GRID2: variants seen among roughly 807,000 people sequenced by gnomAD.
GRID2 encodes the protein glutamate ionotropic receptor delta type subunit 2, also known as glutamate receptor ionotropic, delta-2.
A neutral mutation model predicts 114.8 loss-of-function variants in GRID2; 33 were observed. The ratio of observed to expected loss-of-function variants is 0.29; its 90% confidence interval spans 0.22 to 0.38. GRID2 has a LOEUF of 0.38. GRID2 is among the 10% of genes least tolerant of loss of function. The pLI, the probability that GRID2 is intolerant of heterozygous loss-of-function variation, is 1.00. For synonymous variants in GRID2, 505 were observed against 449.9 expected, an observed-to-expected ratio of 1.12 and a Z score of -1.55; for missense variants, 1,184 against 1,257.7, an observed-to-expected ratio of 0.94 and a Z score of 0.89.
intron 1 of GRID2, among the ~76,000 whole-genome samples, chr4:93,779,743 T>C (rs1017373577): frequency 4.0e-4 from 61 of 151,892 alleles, no homozygotes; most frequent in African/African-American, 1.2e-3. Context: ...TGTGGAAAGG[T>C]CAGAAGGATG....
chr4:92,463,093 CT>C (rs912214601), intron 1 of GRID2, among the ~76,000 whole-genome samples: 1 of 151,886 alleles, frequency 6.6e-6, no homozygotes, highest in African/African-American at 2.4e-5. Context: ...TCATTACATG[CT>C]TTTTGATGGC....
chr4:92,600,797 G>A (rs956262483), intron 2 of GRID2, among the ~76,000 whole-genome samples: 3 of 152,200 alleles, frequency 2.0e-5, no homozygotes, highest in African/African-American at 7.2e-5. Flanking sequence ...CCGACCTGAT[G>A]CTAGCAGGAA....
intron 2 of GRID2, among the ~76,000 whole-genome samples, chr4:93,047,683 A>G (rs1726281902): frequency 6.6e-6 from 1 of 152,060 alleles, no homozygotes; most frequent in African/African-American, 2.4e-5. Flanking sequence ...ATTTAACAAC[A>G]TTAGTCCAGT....
chr4:93,153,157 A>C (rs1005064592), intron 4 of GRID2, among the ~76,000 whole-genome samples: 1 of 152,166 alleles, frequency 6.6e-6, no homozygotes, highest in African/African-American at 2.4e-5. Flanking sequence ...AAATTAACAA[A>C]ATAAATACAA....
rs28461791 is a variant in GRID2, at chr4:92,661,732, G to A, written c.244+71446G>A. Among the ~76,000 whole-genome samples the A allele has an allele frequency of 1.1e-3, 163 of 150,910 alleles. 1 individual carries two copies. The highest frequency in any genetic ancestry group is 3.9e-3 in the African/African-American group (161 of 41,370). ...ATAATTTTTCTGTTGTCTTAATGAT[G>A]ATGTATATGTTTAATTTCTCAACTG... On this transcript the variant is annotated intron_variant, in intron 2 of 15. Coordinates refer to ENST00000282020, the MANE Select transcript of GRID2 (RefSeq NM_001510.4).
intron 2 of GRID2, among the ~76,000 whole-genome samples, chr4:93,001,674 G>A (rs1354418862): frequency 1.3e-5 from 2 of 151,776 alleles, no homozygotes; most frequent in South Asian, 2.1e-4. Context: ...TGATGGTCAT[G>A]GGTTAAAGGA....
intron 1 of GRID2, among the ~76,000 whole-genome samples, chr4:92,411,655 G>GTGTGTGTATATATATATATATATATA: frequency 2.0e-4 from 17 of 84,676 alleles, no homozygotes; most frequent in Non-Finnish European, 2.6e-4. Context: ...GTGTGTGTGT[G>GTGTGTGTATATATATATATATATATA]TATATATATA....
intron 6 of GRID2, among the ~76,000 whole-genome samples, chr4:93,222,978 TA>T (rs1745067268): frequency 6.6e-6 from 1 of 151,972 alleles, no homozygotes; most frequent in Admixed American, 6.6e-5. Context: ...AAGAGTAAAA[TA>T]AAGCTAGAAA....
intron 2 of GRID2, among the ~76,000 whole-genome samples, chr4:92,728,573 G>T (rs996786314): frequency 5.9e-5 from 9 of 151,948 alleles, no homozygotes; most frequent in African/African-American, 1.9e-4. Flanking sequence ...AGCACATGAA[G>T]ACAAAATCCA....
At chr4:92,701,250 T>A (rs1430672601) in intron 2 of GRID2, among the ~76,000 whole-genome samples, 1 of 152,156 alleles carries the variant, frequency 6.6e-6, no homozygotes, top group Non-Finnish European at 1.5e-5. Flanking sequence ...AAACCTAATA[T>A]TTTTTAGCCC....
At chr4:92,974,532 T>C (rs1029373848) in intron 2 of GRID2, among the ~76,000 whole-genome samples, 1 of 152,098 alleles carries the variant, frequency 6.6e-6, no homozygotes, top group Non-Finnish European at 1.5e-5. Flanking sequence ...TTAATGTCCA[T>C]TGCAGGGACA....
chr4:92,437,567 C>A (rs1052313735), intron 1 of GRID2, among the ~76,000 whole-genome samples: 2 of 152,226 alleles, frequency 1.3e-5, no homozygotes, highest in African/African-American at 4.8e-5. Flanking sequence ...CTGGGCCCAG[C>A]TGACTGCTTA....
chr4:93,074,084 C>T (rs916055204), intron 2 of GRID2, among the ~76,000 whole-genome samples: 2 of 152,200 alleles, frequency 1.3e-5, no homozygotes, highest in African/African-American at 4.8e-5. Context: ...TCTCTGGCAA[C>T]ACAGGCCCTA....
chr4:93,277,683 G>C (rs1237578542), intron 8 of GRID2, among the ~76,000 whole-genome samples: 2 of 151,744 alleles, frequency 1.3e-5, no homozygotes, highest in East Asian at 3.9e-4. Flanking sequence ...TATTTTCATT[G>C]CATGTATTTA....
At chr4:92,335,368 C>T (rs1727111008) in intron 1 of GRID2, among the ~76,000 whole-genome samples, 1 of 152,176 alleles carries the variant, frequency 6.6e-6, no homozygotes, top group Non-Finnish European at 1.5e-5. Context: ...GTATTCTTTT[C>T]TCACAGATTT....
intron 2 of GRID2, among the ~76,000 whole-genome samples, chr4:93,003,292 A>G (rs1721190817): frequency 6.6e-6 from 1 of 152,076 alleles, no homozygotes; most frequent in Admixed American, 6.6e-5. Flanking sequence ...AACTTGTAAA[A>G]GGTTTAATTG....
chr4:92,730,785 C>T (rs770497340), intron 2 of GRID2, among the ~76,000 whole-genome samples: 4 of 151,814 alleles, frequency 2.6e-5, no homozygotes, highest in African/African-American at 7.3e-5. Context: ...CTGGTGCAAG[C>T]GAATAAGCAA....
chr4:93,058,859 T>A (rs1727512080), intron 2 of GRID2, among the ~76,000 whole-genome samples: 1 of 152,090 alleles, frequency 6.6e-6, no homozygotes, highest in African/African-American at 2.4e-5. Flanking sequence ...TTTAATGCAA[T>A]TTCAGTATAT....
intron 1 of GRID2, among the ~76,000 whole-genome samples, chr4:92,572,430 A>C (rs1227607846): frequency 6.6e-6 from 1 of 152,148 alleles, no homozygotes; most frequent in Non-Finnish European, 1.5e-5. Context: ...GACCAGAAGG[A>C]TTCACAGCCG....
Sources: gnomAD v4.1 joint callset for allele counts (sites outside exome capture counted in the v4.1 genomes callset) on GRCh38, gnomAD v4.1.1 for gene constraint, MANE v1.5 for transcripts, NCBI Gene and HGNC (gene_info 2026-07-23, HGNC 2026-07-21) for gene names.